The following TAFA1 variants were observed in gnomAD, a reference collection of about 807,000 sequenced individuals.
TAFA1 encodes the protein TAFA chemokine like family member 1, also known as chemokine-like protein TAFA-1.
TAFA1 carries 4 observed loss-of-function variants against 18.5 expected under a neutral mutation model. That is an observed-to-expected ratio of 0.22 (90% confidence interval 0.11 to 0.49). TAFA1 has a LOEUF of 0.49. Ranked by LOEUF, TAFA1 falls within the 20% of genes least tolerant of loss-of-function variation. The pLI, the probability that TAFA1 is intolerant of heterozygous loss-of-function variation, is 0.98. For missense variants in TAFA1, 147 were observed against 169.0 expected (o/e 0.87, Z 0.72); for synonymous variants, 56 against 55.2 (o/e 1.01, Z -0.06).
At chr3:68,145,949 T>C (rs1045020727) in intron 2 of TAFA1, among the ~76,000 whole-genome samples, 44 of 152,164 alleles carry the variant, frequency 2.9e-4, no homozygotes, top group African/African-American at 9.7e-4. Context: ...GGGGACATGG[T>C]CCACCTCATG....
intron 3 of TAFA1, among the ~76,000 whole-genome samples, chr3:68,503,942 A>G (rs1286453912): frequency 6.6e-6 from 1 of 152,164 alleles, no homozygotes; most frequent in Non-Finnish European, 1.5e-5. Flanking sequence ...TATTATCATA[A>G]TCATATAATT....
At chr3:67,998,056 TAAAC>T in the TAFA1 span, among the ~76,000 whole-genome samples, 1 of 151,306 alleles carries the variant, frequency 6.6e-6, no homozygotes, top group South Asian at 2.1e-4. Context: ...CAAAAAAAAT[TAAAC>T]AAAAAAAACC....
At chr3:68,337,525 C>A (rs985427608) in intron 2 of TAFA1, among the ~76,000 whole-genome samples, 1 of 152,166 alleles carries the variant, frequency 6.6e-6, no homozygotes, top group South Asian at 2.1e-4. Flanking sequence ...GTATACAAAA[C>A]TGCACATAAT....
intron 2 of TAFA1, among the ~76,000 whole-genome samples, chr3:68,272,872 A>G (rs1292315836): frequency 6.6e-6 from 1 of 152,190 alleles, no homozygotes; most frequent in Admixed American, 6.6e-5. Flanking sequence ...TCATATAGTT[A>G]GAAACTGAGC....
chr3:68,325,948 T>C (rs1277575925), intron 2 of TAFA1, among the ~76,000 whole-genome samples: 2 of 152,152 alleles, frequency 1.3e-5, no homozygotes, highest in African/African-American at 4.8e-5. Flanking sequence ...AATCACTGCT[T>C]TGTGATTGGG....
At chr3:68,232,662 T>C (rs1014826559) in intron 2 of TAFA1, among the ~76,000 whole-genome samples, 2 of 152,066 alleles carry the variant, frequency 1.3e-5, no homozygotes, top group African/African-American at 2.4e-5. Context: ...CTGGAGTACA[T>C]TGATACAACC....
At chr3:68,025,406 C>T (rs1704793316) in intron 2 of TAFA1, among the ~76,000 whole-genome samples, 1 of 152,132 alleles carries the variant, frequency 6.6e-6, no homozygotes, top group Non-Finnish European at 1.5e-5. Context: ...ACCTTTGCCA[C>T]AGTCTATATT....
chr3:68,400,244 AT>A (rs1337548665), intron 2 of TAFA1, among the ~76,000 whole-genome samples: 1 of 152,206 alleles, frequency 6.6e-6, no homozygotes, highest in Non-Finnish European at 1.5e-5. Context: ...GGAATGAGAC[AT>A]AGGCAAGCAG....
intron 3 of TAFA1, among the ~76,000 whole-genome samples, chr3:68,500,427 A>T (rs1056569138): frequency 6.6e-6 from 1 of 152,180 alleles, no homozygotes. Context: ...CCCAATTGTT[A>T]TAAAACTTCT....
chr3:68,312,154 A>G (rs954710232), intron 2 of TAFA1, among the ~76,000 whole-genome samples: 2 of 152,186 alleles, frequency 1.3e-5, no homozygotes, highest in Non-Finnish European at 2.9e-5. Context: ...GGCTGCACAC[A>G]GCACGGGGAT....
At chr3:68,264,227 A>C (rs1302199050) in intron 2 of TAFA1, among the ~76,000 whole-genome samples, 1 of 152,186 alleles carries the variant, frequency 6.6e-6, no homozygotes, top group Non-Finnish European at 1.5e-5. Context: ...CCAAGATCAC[A>C]CCACCGCACT....
chr3:68,452,439 C>T (rs1275672766), intron 3 of TAFA1, among the ~76,000 whole-genome samples: 3 of 149,828 alleles, frequency 2.0e-5, no homozygotes, highest in South Asian at 2.1e-4. Context: ...AGGAGAATCG[C>T]GCAAACCCAG....
chr3:68,344,827 C>A (rs1019541678), intron 2 of TAFA1, among the ~76,000 whole-genome samples: 57 of 152,028 alleles, frequency 3.7e-4, no homozygotes, highest in Admixed American at 3.7e-3. Context: ...TTATTAGGTT[C>A]TTTTATTATT....
intron 2 of TAFA1, among the ~76,000 whole-genome samples, chr3:68,385,625 C>T (rs2070082817): frequency 6.6e-6 from 1 of 152,024 alleles, no homozygotes; most frequent in African/African-American, 2.4e-5. Context: ...TAGGCAATCT[C>T]AAGTGTTTGC....
intron 3 of TAFA1, among the ~76,000 whole-genome samples, chr3:68,456,307 C>G (rs1470093108): frequency 6.6e-6 from 1 of 152,156 alleles, no homozygotes; most frequent in East Asian, 1.9e-4. Flanking sequence ...AGCTTCCTGG[C>G]TTAAATCCTG....
At chr3:68,179,881 A>C (rs1019713461) in intron 2 of TAFA1, among the ~76,000 whole-genome samples, 1 of 152,018 alleles carries the variant, frequency 6.6e-6, no homozygotes, top group Non-Finnish European at 1.5e-5. Flanking sequence ...ACCTGACCCC[A>C]TTTATTTGTA....
chr3:68,350,526 C>G, intron 2 of TAFA1, among the ~76,000 whole-genome samples: 1 of 152,068 alleles, frequency 6.6e-6, no homozygotes, highest in East Asian at 1.9e-4. Context: ...AATTAGCCTT[C>G]TAGGATCTGC....
chr3:68,418,224 C>T (rs1575849422), intron 3 of TAFA1, among the ~76,000 whole-genome samples: 1 of 151,800 alleles, frequency 6.6e-6, no homozygotes, highest in Admixed American at 6.6e-5. Context: ...GCAGGTGGGC[C>T]GAGTCCCAAA....
chr3:68,334,282 C>G (rs184746306), intron 2 of TAFA1, among the ~76,000 whole-genome samples: 1 of 152,226 alleles, frequency 6.6e-6, no homozygotes, highest in African/African-American at 2.4e-5. Flanking sequence ...TTTCTTCATT[C>G]TTCAAGATAG....
Sources: allele counts gnomAD v4.1 joint callset (sites outside exome capture counted in the v4.1 genomes callset), GRCh38; gene constraint gnomAD v4.1.1; transcripts MANE v1.5; gene names NCBI Gene and HGNC (gene_info 2026-07-23, HGNC 2026-07-21).